The following DAZL variants were observed in gnomAD, a reference collection of about 807,000 sequenced individuals.
DAZL encodes the protein deleted in azoospermia-like.
A neutral mutation model predicts 45.0 loss-of-function variants in DAZL; 4 were observed. The observed-to-expected ratio is 0.09, with a 90% CI of 0.04 to 0.20. DAZL has a LOEUF of 0.20. DAZL is among the 10% of genes least tolerant of loss of function. The pLI, the probability that DAZL is intolerant of heterozygous loss-of-function variation, is 1.00. For synonymous variants in DAZL, 122 were observed against 112.4 expected, an observed-to-expected ratio of 1.09 and a Z score of -0.54; for missense variants, 326 against 351.3, an observed-to-expected ratio of 0.93 and a Z score of 0.58.
At chr3:16,602,935 C>G (rs749338145) in intron 1 of DAZL, among the ~76,000 whole-genome samples, 1 of 152,020 alleles carries the variant, frequency 6.6e-6, no homozygotes, top group African/African-American at 2.4e-5. Flanking sequence ...TTAATACAGT[C>G]TTTATGAATC....
In DAZL at chr3:16,592,285, G is replaced by A. The variant is rs922010637; in HGVS notation, c.736-137C>T. The A allele has an allele frequency of 8.7e-5, 115 of 1,317,764 alleles. No homozygotes were observed. In the Admixed American group the frequency reaches 2.2e-3, roughly 26 times the overall value. The allele number at this position is 1,317,764 out of a possible 1,614,324, so 81.6% of individuals were successfully genotyped here. A position where few individuals can be genotyped will look rare whatever the true frequency, so the allele number is the denominator to read the frequency against. ...AAAAATGCTAAAAGAGACTGGGAGTGGTGGCTCACGCCTGTAATCCCAGCA... is the reference window on the plus strand; with the variant it reads ...AAAAATGCTAAAAGAGACTGGGAGTAGTGGCTCACGCCTGTAATCCCAGCA... On this transcript the variant is annotated intron_variant, in intron 9 of 10. Transcript: ENST00000399444.
Position 16,592,059 on chromosome 3 carries a change from G to C in DAZL, c.825C>G (p.Asp275Glu). Reference sequence around the variant, plus strand: ...ACTGTTATATTCATACCTTGAAGTAGTCATCTTGAGTAACAACAGAGTTTC... The same window carrying C: ...ACTGTTATATTCATACCTTGAAGTACTCATCTTGAGTAACAACAGAGTTTC... Reference protein sequence around the residue: ...RLRNSVVTQDDYFKDKRVHHF... With the variant: ...RLRNSVVTQDEYFKDKRVHHF... The change falls in exon 10 of 11, where the codon GAC becomes GAG. Residue 275 changes from aspartate to glutamate, a missense_variant. By Grantham distance (45) the Asp-to-Glu change is conservative. Coordinates refer to ENST00000399444, the MANE Select transcript of DAZL (RefSeq NM_001351.4). The C allele has an allele frequency of 1.9e-6, 3 of 1,612,824 alleles. No individual in the cohort carries two copies. The highest frequency in any genetic ancestry group is 2.5e-6 in the Non-Finnish European group (3 of 1,178,984).
chr3:16,604,123 T>C (rs1694736750), intron 1 of DAZL, among the ~76,000 whole-genome samples: 1 of 152,242 alleles, frequency 6.6e-6, no homozygotes, highest in African/African-American at 2.4e-5. Flanking sequence ...TGTTTATTTT[T>C]ATTTTAATGT....
chr3:16,603,730 A>G (rs990800280), intron 1 of DAZL, among the ~76,000 whole-genome samples: 6 of 152,196 alleles, frequency 3.9e-5, no homozygotes, highest in Admixed American at 3.9e-4. Context: ...ACATATACTG[A>G]AAATTAAAAT....
rs1345429666 is a variant in DAZL at position 16,586,826 on chromosome 3, T to C, written c.*1834A>G. 1.3e-5 allele frequency: 2 copies of C among 152,192 alleles called. No homozygotes were observed. The highest frequency in any genetic ancestry group is 2.9e-5 in the Non-Finnish European group (2 of 68,016). The allele number at this position is 152,192 out of a possible 1,614,324, so 9.4% of individuals were successfully genotyped here. A position where few individuals can be genotyped will look rare whatever the true frequency, so the allele number is the denominator to read the frequency against. On this transcript the variant is annotated 3_prime_UTR_variant, in exon 11 of 11. Coordinates refer to ENST00000399444, the MANE Select transcript of DAZL (RefSeq NM_001351.4). ...AAAAAACTTTATTTTTATTCATGTA[T>C]GCAAAGACAGTATCAGCAATAGGCA... is the stretch of plus-strand genomic sequence containing the variant.
At chr3:16,605,094 C>A (rs1017694954) in intron 1 of DAZL, 109 bp downstream of exon 1, 14 of 1,437,088 alleles carry the variant, frequency 9.7e-6, no homozygotes, top group East Asian at 2.3e-5. Flanking sequence ...AGGTGCCCCC[C>A]AAACAGGAAA....
At chr3:16,593,096 T>C (rs990211739) in intron 9 of DAZL, among the ~76,000 whole-genome samples, 5 of 152,226 alleles carry the variant, frequency 3.3e-5, no homozygotes, top group Non-Finnish European at 5.9e-5. Context: ...AATATCAAAA[T>C]TATAAAAGAA....
In DAZL at chr3:16,598,310, GA is replaced by G. The variant is rs551328329; in HGVS notation, c.151-133del. ...AAATGACCAGTAGCTCTTTGTCAAA[GA>G]TATTTTTAGTACCTATGGGTCAAAT... On this transcript the variant is annotated intron_variant, in intron 2 of 10. Coordinates refer to ENST00000399444, the MANE Select transcript of DAZL (RefSeq NM_001351.4). 1.1e-3 allele frequency: 1,570 copies of G among 1,409,110 alleles called. 8 individuals carry two copies. The highest frequency in any genetic ancestry group is 1.1e-3 in the Non-Finnish European group (1,138 of 1,009,060). 87.3% of individuals were successfully genotyped at this position (1,409,110 alleles called of 1,614,324 possible).
In DAZL at chr3:16,588,321, A is replaced by C. The variant is rs1694469084; in HGVS notation, c.*339T>G. On this transcript the variant is annotated 3_prime_UTR_variant, in exon 11 of 11. Transcript: ENST00000399444. ...TTGTATTCAGACCAACAAAATTCTGACCTTTCAAAATAGGTTTTTAAAAAC... is the reference window on the plus strand; with the variant it reads ...TTGTATTCAGACCAACAAAATTCTGCCCTTTCAAAATAGGTTTTTAAAAAC... 1 of 312,292 alleles carries C rather than the reference A, an allele frequency of 3.2e-6. No homozygotes were observed. The highest frequency in any genetic ancestry group is 6.2e-6 in the Non-Finnish European group (1 of 162,562). 19.3% of individuals were successfully genotyped at this position (312,292 alleles called of 1,614,324 possible). A position where few individuals can be genotyped will look rare whatever the true frequency, so the allele number is the denominator to read the frequency against.
intron 3 of DAZL, 76 bp from the exon 4 acceptor site, chr3:16,597,617 G>T (rs369171725): frequency 1.1e-6 from 1 of 904,422 alleles, no homozygotes; most frequent in Non-Finnish European, 1.9e-6. Context: ...ATATACGGAA[G>T]TGATCATGAC....
intron 1 of DAZL, among the ~76,000 whole-genome samples, chr3:16,601,278 G>A (rs886542311): frequency 6.8e-6 from 1 of 148,030 alleles, no homozygotes; most frequent in East Asian, 2.3e-4. Context: ...AAGAGGAAAA[G>A]AGGCATTTGA....
intron 10 of DAZL, among the ~76,000 whole-genome samples, chr3:16,591,654 G>C (rs1158958921): frequency 6.6e-6 from 1 of 151,966 alleles, no homozygotes; most frequent in African/African-American, 2.4e-5. Flanking sequence ...GGGTGGTCTC[G>C]AACTCCTGAG....
intron 10 of DAZL, among the ~76,000 whole-genome samples, chr3:16,591,703 G>C (rs916110367): frequency 6.6e-6 from 1 of 152,100 alleles, no homozygotes; most frequent in African/African-American, 2.4e-5. Context: ...AAAAGTGCTG[G>C]GATTACAGGC....
In DAZL at chr3:16,586,952, C is replaced by A. The variant is rs1694446832; in HGVS notation, c.*1708G>T. 1 of 152,032 alleles carries A rather than the reference C, an allele frequency of 6.6e-6. No individual in the cohort carries two copies. Among genetic ancestry groups the A allele is most frequent in the Non-Finnish European group, 1.5e-5 (1 of 67,976 alleles). The allele number at this position is 152,032 out of a possible 1,614,324, so 9.4% of individuals were successfully genotyped here. ...TTTAAATGCTTCACTCCAACAAAGA[C>A]AAAAATTTATTCCCTTACTTTTCCT... On this transcript the variant is annotated 3_prime_UTR_variant, in exon 11 of 11. Transcript: ENST00000399444.
intron 1 of DAZL, 127 bp from the exon 2 acceptor site, chr3:16,598,725 A>C (rs1417379938): frequency 8.9e-7 from 1 of 1,119,566 alleles, no homozygotes; most frequent in Non-Finnish European, 1.2e-6. Flanking sequence ...AAGTTAGTTC[A>C]GGCTCAGGAT....
At chr3:16,598,698 T>C (rs1694637646) in intron 1 of DAZL, 100 bp from the exon 2 acceptor site, 2 of 1,244,824 alleles carry the variant, frequency 1.6e-6, no homozygotes, top group Non-Finnish European at 2.1e-6. Flanking sequence ...ATATTTTATA[T>C]AAATTACTTT....
rs185430208 is a variant in DAZL at position 16,593,170 on chromosome 3, A to G, written c.735+485T>C. Among the ~76,000 whole-genome samples, 627 of 152,348 alleles carry G rather than the reference A, an allele frequency of 4.1e-3. 11 individuals are homozygous for G. The highest frequency in any genetic ancestry group is 0.04 in the South Asian group (195 of 4,828). On this transcript the variant is annotated intron_variant, in intron 9 of 10. Transcript: ENST00000399444. Reference sequence around the variant, plus strand: ...GTAGAATTCTTGAGGAAACCTTCCCATAACATTCTGCCAAATCCTATTAAT... The same window carrying G: ...GTAGAATTCTTGAGGAAACCTTCCCGTAACATTCTGCCAAATCCTATTAAT...
chr3:16,594,673 T>C (rs1694570390), intron 7 of DAZL, 90 bp from the exon 8 acceptor site: 19 of 767,656 alleles, frequency 2.5e-5, no homozygotes, highest in Non-Finnish European at 3.9e-5. Flanking sequence ...GAAGTACTTA[T>C]CATGCTGGCT....
chr3:16,598,829 G>C (rs1480428218), intron 1 of DAZL, among the ~76,000 whole-genome samples: 4 of 150,368 alleles, frequency 2.7e-5, no homozygotes, highest in Non-Finnish European at 5.9e-5. Context: ...TGTCACCCAG[G>C]CTGGAGTGCA....
Sources: allele counts gnomAD v4.1 joint callset (sites outside exome capture counted in the v4.1 genomes callset), GRCh38; gene constraint gnomAD v4.1.1; transcripts MANE v1.5; gene names NCBI Gene and HGNC (gene_info 2026-07-23, HGNC 2026-07-21).